Variants in TRAPPC9 observed in about 807,000 individuals in gnomAD.
TRAPPC9 encodes IKK2 binding protein.
TRAPPC9 carries 83 observed loss-of-function variants against 124.0 expected under a neutral mutation model. The ratio of observed to expected loss-of-function variants is 0.67; its 90% CI spans 0.56 to 0.80. The LOEUF (loss-of-function observed/expected upper bound fraction) is 0.80, where lower values mean the gene tolerates loss of function less well. TRAPPC9 is among the 30% of genes least tolerant of loss of function. The pLI is 0.00. For synonymous variants in TRAPPC9, 638 were observed against 617.5 expected (o/e 1.03, Z -0.49); for missense variants, 1,302 against 1,508.3 (o/e 0.86, Z 2.27).
In TRAPPC9 at chr8:140,018,324, AT is replaced by A. The variant is rs1554608008; in HGVS notation, c.2699+5612del. ...TTGCTGGTATATAGAAACGTAAGTG[AT>A]TTTTTTTTTTTTTTTTGAGACGGAG... On this transcript the variant is annotated intron_variant, in intron 18 of 22. Coordinates refer to ENST00000438773, the MANE Select transcript of TRAPPC9 (RefSeq NM_001160372.4). Among the ~76,000 whole-genome samples, 173 of 119,764 alleles carry A rather than the reference AT, an allele frequency of 1.4e-3. 24 individuals carry two copies. The highest frequency in any genetic ancestry group is 0.013 in the Middle Eastern group (2 of 160). The allele number at this position is 119,764 out of a possible 152,430, so 78.6% of individuals were successfully genotyped here. A position where few individuals can be genotyped will look rare whatever the true frequency, so the allele number is the denominator to read the frequency against.
At chr8:140,431,431 G>C (rs1228599266) in intron 4 of TRAPPC9, among the ~76,000 whole-genome samples, 1 of 151,728 alleles carries the variant, frequency 6.6e-6, no homozygotes, top group African/African-American at 2.4e-5. Context: ...CGGCGACAGA[G>C]TGAGACTCTG....
intron 14 of TRAPPC9, among the ~76,000 whole-genome samples, chr8:140,283,294 CTTTTT>C (rs376320364): frequency 2.1e-5 from 2 of 97,228 alleles, no homozygotes; most frequent in Admixed American, 1.5e-4. Context: ...ATTAAAATTC[CTTTTT>C]TTTTTTTTTT....
chr8:140,180,092 G>A (rs2131001833), intron 17 of TRAPPC9, among the ~76,000 whole-genome samples: 1 of 135,888 alleles, frequency 7.4e-6, no homozygotes, highest in Non-Finnish European at 1.5e-5. Context: ...ATGCTGTTGA[G>A]CTTACTTCTA....
rs541203680 is a variant in TRAPPC9, at chr8:139,957,881, G to A, written c.2810+30845C>T. 3.3e-5 allele frequency among the ~76,000 whole-genome samples: 5 copies of A among 152,324 alleles called. No homozygotes were observed. In the East Asian group the frequency reaches 5.8e-4, roughly 18 times the overall value. On this transcript the variant is annotated intron_variant, in intron 19 of 22. Coordinates refer to ENST00000438773, the MANE Select transcript of TRAPPC9 (RefSeq NM_001160372.4). Reference sequence around the variant, plus strand: ...CCTCTTCGTCTTCTCCAAAGGCCCCGTGTTCTAATCAAACTGACGTCGTTT... The same window carrying A: ...CCTCTTCGTCTTCTCCAAAGGCCCCATGTTCTAATCAAACTGACGTCGTTT...
chr8:139,988,152 A>G (rs1296361883), intron 19 of TRAPPC9, among the ~76,000 whole-genome samples: 1 of 127,586 alleles, frequency 7.8e-6, no homozygotes, highest in African/African-American at 3.1e-5. Context: ...TCTGTCGCCC[A>G]GGCTGGAGTA....
intron 20 of TRAPPC9, among the ~76,000 whole-genome samples, chr8:139,900,441 G>A (rs1326036063): frequency 6.6e-6 from 1 of 152,136 alleles, no homozygotes; most frequent in South Asian, 2.1e-4. Context: ...TAGGTGCTGG[G>A]GATTCAGAGA....
intron 21 of TRAPPC9, among the ~76,000 whole-genome samples, chr8:139,784,608 C>CATATATATAT (rs34583867): frequency 0.023 from 2,013 of 88,254 alleles, 47 homozygotes; most frequent in Non-Finnish European, 0.033. Flanking sequence ...AAAAGACTGA[C>CATATATATAT]ATATATATAT....
chr8:139,997,335 A>C (rs939918970), intron 18 of TRAPPC9, among the ~76,000 whole-genome samples: 1 of 150,868 alleles, frequency 6.6e-6, no homozygotes, highest in Admixed American at 6.6e-5. Context: ...TACATCCTAC[A>C]CAGGGCAGAC....
At chr8:140,143,792 T>C (rs2061415920) in intron 17 of TRAPPC9, among the ~76,000 whole-genome samples, 2 of 152,368 alleles carry the variant, frequency 1.3e-5, no homozygotes, top group South Asian at 4.1e-4. Flanking sequence ...CTGATTTTCT[T>C]CCACTGATTT....
chr8:140,260,832 C>T (rs893354360), intron 15 of TRAPPC9, among the ~76,000 whole-genome samples: 2 of 152,200 alleles, frequency 1.3e-5, no homozygotes, highest in African/African-American at 4.8e-5. Context: ...CTGCCTCTCA[C>T]CCCTTATCTG....
intron 21 of TRAPPC9, among the ~76,000 whole-genome samples, chr8:139,750,455 G>A (rs1027984594): frequency 3.3e-5 from 5 of 152,132 alleles, no homozygotes; most frequent in Non-Finnish European, 5.9e-5. Flanking sequence ...TTTATTGCTG[G>A]GTCTCCTCAG....
At chr8:140,410,316 G>A (rs752051772) in intron 5 of TRAPPC9, among the ~76,000 whole-genome samples, 27 of 151,914 alleles carry the variant, frequency 1.8e-4, no homozygotes, top group Non-Finnish European at 2.9e-4. Flanking sequence ...CAGACAGATC[G>A]CCTGAGGCCA....
chr8:140,273,888 G>A (rs941594737), intron 15 of TRAPPC9, among the ~76,000 whole-genome samples: 4 of 152,128 alleles, frequency 2.6e-5, no homozygotes, highest in African/African-American at 9.7e-5. Context: ...TGTTGTTCGG[G>A]GGAGATTTCA....
At chr8:140,117,943 G>A (rs937781620) in intron 17 of TRAPPC9, among the ~76,000 whole-genome samples, 2 of 152,194 alleles carry the variant, frequency 1.3e-5, no homozygotes, top group Non-Finnish European at 2.9e-5. Context: ...AAGACCAACA[G>A]TGCATTTGTA....
intron 17 of TRAPPC9, among the ~76,000 whole-genome samples, chr8:140,074,996 C>CAT: frequency 6.6e-6 from 1 of 151,940 alleles, no homozygotes; most frequent in Admixed American, 6.6e-5. Flanking sequence ...AGAGACATCA[C>CAT]TTGCCCAATG....
At chr8:140,382,057 A>C (rs2068625419) in intron 7 of TRAPPC9, among the ~76,000 whole-genome samples, 1 of 152,232 alleles carries the variant, frequency 6.6e-6, no homozygotes, top group African/African-American at 2.4e-5. Flanking sequence ...TAATACCCAA[A>C]GGGTGGAAAC....
At chr8:140,000,889 C>G (rs1411545100) in intron 18 of TRAPPC9, among the ~76,000 whole-genome samples, 2 of 152,104 alleles carry the variant, frequency 1.3e-5, no homozygotes, top group Non-Finnish European at 2.9e-5. Context: ...TGGGTATATA[C>G]CCAAAAGATT....
At chr8:139,765,480 C>T (rs1458442826) in intron 21 of TRAPPC9, among the ~76,000 whole-genome samples, 1 of 152,184 alleles carries the variant, frequency 6.6e-6, no homozygotes, top group Non-Finnish European at 1.5e-5. Context: ...TCTTAAAGGA[C>T]AGGGTGGCCG....
chr8:140,139,910 G>A lies in TRAPPC9; in HGVS notation c.2556+81549C>T, dbSNP rs138673542. Reference sequence around the variant, plus strand: ...TTCGTTATGCTGTATGTCACCTTATGATGTGTGCATTTTTCTGAGTTTATG... The same window carrying A: ...TTCGTTATGCTGTATGTCACCTTATAATGTGTGCATTTTTCTGAGTTTATG... On this transcript the variant is annotated intron_variant, in intron 17 of 22. Coordinates refer to ENST00000438773, the MANE Select transcript of TRAPPC9 (RefSeq NM_001160372.4). Among the ~76,000 whole-genome samples, 61 of 152,284 alleles carry A rather than the reference G, an allele frequency of 4.0e-4. No individual in the cohort carries two copies. In the East Asian group the frequency reaches 0.011, roughly 28 times the overall value.
Sources: gnomAD v4.1 joint callset for allele counts (sites outside exome capture counted in the v4.1 genomes callset) on GRCh38, gnomAD v4.1.1 for gene constraint, MANE v1.5 for transcripts, NCBI Gene and HGNC (gene_info 2026-07-23, HGNC 2026-07-21) for gene names.